WDFY3: variants seen among roughly 807,000 people sequenced by gnomAD.
WDFY3 encodes WD repeat and FYVE domain containing 3, also known as WD repeat and FYVE domain-containing protein 3.
WDFY3 carries 66 observed loss-of-function variants against 409.6 expected under a neutral mutation model. The observed-to-expected ratio is 0.16, with a 90% CI of 0.13 to 0.20. WDFY3 has a LOEUF of 0.20. Among genes scored for constraint, WDFY3 ranks in the 10% least tolerant of loss-of-function variants. The pLI is 1.00. For missense variants in WDFY3, 3,031 were observed against 4,298.1 expected (o/e 0.71, Z 8.24); for synonymous variants, 1,521 against 1,537.1 (o/e 0.99, Z 0.25).
chr4:84,780,691 G>A (rs541657767), intron 25 of WDFY3, among the ~76,000 whole-genome samples: 1 of 152,042 alleles, frequency 6.6e-6, no homozygotes, highest in Non-Finnish European at 1.5e-5. Flanking sequence ...TTTAACCTAG[G>A]AGTTGGAGGT....
At chr4:84,703,053 T>C (rs192861751) in intron 55 of WDFY3, among the ~76,000 whole-genome samples, 8 of 150,546 alleles carry the variant, frequency 5.3e-5, no homozygotes, top group Admixed American at 1.3e-4. Flanking sequence ...GCCGAGATCG[T>C]GCCACTGCAC....
intron 35 of WDFY3, among the ~76,000 whole-genome samples, chr4:84,752,805 C>T (rs560183604): frequency 1.3e-5 from 2 of 152,200 alleles, no homozygotes; most frequent in East Asian, 3.9e-4. Context: ...TTTTGAAGTA[C>T]TATGGAGGAA....
chr4:84,929,530 T>C (rs1310584358), intron 2 of WDFY3, among the ~76,000 whole-genome samples: 2 of 149,498 alleles, frequency 1.3e-5, no homozygotes, highest in African/African-American at 4.9e-5. Context: ...ATGTGACCTT[T>C]GAAGCTAGGG....
chr4:84,843,307 T>C, intron 5 of WDFY3, among the ~76,000 whole-genome samples: 1 of 152,220 alleles, frequency 6.6e-6, no homozygotes, highest in East Asian at 1.9e-4. Context: ...TTGTAAAGAA[T>C]AGCATAACTG....
At chr4:84,743,929 G>T in intron 36 of WDFY3, 130 bp from the exon 37 acceptor site, 1 of 477,506 alleles carries the variant, frequency 2.1e-6, no homozygotes, top group Non-Finnish European at 3.4e-6. Flanking sequence ...TAAATGCCAT[G>T]AGAGATGGTA....
At chr4:84,703,467 C>G (rs1332182030) in intron 55 of WDFY3, among the ~76,000 whole-genome samples, 2 of 152,126 alleles carry the variant, frequency 1.3e-5, no homozygotes, top group Non-Finnish European at 2.9e-5. Flanking sequence ...CATGCCATGG[C>G]TGCCAATGTC....
At chr4:84,846,342 T>C (rs1461864566) in intron 5 of WDFY3, among the ~76,000 whole-genome samples, 1 of 151,964 alleles carries the variant, frequency 6.6e-6, no homozygotes, top group Non-Finnish European at 1.5e-5. Flanking sequence ...TTCCTAAGAG[T>C]CTACGATTAT....
chr4:84,758,463 G>T (rs1741846010), intron 32 of WDFY3, among the ~76,000 whole-genome samples: 1 of 152,114 alleles, frequency 6.6e-6, no homozygotes, highest in Non-Finnish European at 1.5e-5. Context: ...GCTCAGGCTG[G>T]TCTCAAACTC....
chr4:84,846,041 G>A, intron 5 of WDFY3, among the ~76,000 whole-genome samples: 1 of 152,032 alleles, frequency 6.6e-6, no homozygotes, highest in East Asian at 1.9e-4. Context: ...AAGCTATGAA[G>A]GTTAACATAC....
chr4:84,709,076 A>G, intron 52 of WDFY3, 48 bp from the exon 53 acceptor site: 7 of 1,602,318 alleles, frequency 4.4e-6, no homozygotes, highest in Non-Finnish European at 6.0e-6. Flanking sequence ...TATTTCCACT[A>G]TGTTCAGCTT....
intron 36 of WDFY3, chr4:84,751,245 C>T (rs1029775660): frequency 7.2e-6 from 4 of 552,046 alleles, no homozygotes; most frequent in African/African-American, 5.7e-5. Context: ...AGTTCGCCAG[C>T]TCTTAGAGAA....
intron 2 of WDFY3, among the ~76,000 whole-genome samples, chr4:84,930,802 C>A (rs975405615): frequency 2.4e-4 from 36 of 152,114 alleles, no homozygotes; most frequent in African/African-American, 8.7e-4. Flanking sequence ...GAAGTTTTAT[C>A]CTTTTTAATT....
intron 1 of WDFY3, among the ~76,000 whole-genome samples, chr4:84,942,873 AT>A (rs943004370): frequency 7.3e-5 from 11 of 150,962 alleles, no homozygotes; most frequent in Admixed American, 2.6e-4. Flanking sequence ...TAACCTTTTT[AT>A]TTTTTTTTAA....
intron 3 of WDFY3, among the ~76,000 whole-genome samples, chr4:84,893,092 G>A (rs1217301033): frequency 6.6e-6 from 1 of 152,170 alleles, no homozygotes; most frequent in Non-Finnish European, 1.5e-5. Flanking sequence ...AGGGGAGAGT[G>A]TTAAGCTCTC....
intron 6 of WDFY3, 101 bp downstream of exon 6, chr4:84,841,053 A>G: frequency 1.1e-6 from 1 of 885,850 alleles, no homozygotes; most frequent in Non-Finnish European, 1.7e-6. Context: ...TGATTATCAT[A>G]GTATCTCATT....
intron 53 of WDFY3, 60 bp from the exon 54 acceptor site, chr4:84,705,571 T>C (rs991595563): frequency 1.5e-6 from 2 of 1,305,734 alleles, no homozygotes; most frequent in African/African-American, 1.5e-5. Flanking sequence ...CTCACTAACG[T>C]AGATACAGTG....
At chr4:84,930,663 C>A (rs964055382) in intron 2 of WDFY3, among the ~76,000 whole-genome samples, 1 of 152,154 alleles carries the variant, frequency 6.6e-6, no homozygotes, top group Non-Finnish European at 1.5e-5. Context: ...AGTTTCCTTT[C>A]TCAAAATATC....
intron 61 of WDFY3, 134 bp from the exon 62 acceptor site, chr4:84,688,399 C>T: frequency 3.6e-6 from 3 of 840,468 alleles, no homozygotes; most frequent in East Asian, 5.7e-5. Context: ...GCAGTGGTGT[C>T]TGGAGAGTCT....
chr4:84,871,413 C>T (rs1762115212), intron 3 of WDFY3, among the ~76,000 whole-genome samples: 1 of 152,090 alleles, frequency 6.6e-6, no homozygotes, highest in Admixed American at 6.5e-5. Flanking sequence ...CATTCTATAT[C>T]TAATAAAATT....
Sources: gnomAD v4.1 joint callset for allele counts (sites outside exome capture counted in the v4.1 genomes callset) on GRCh38, gnomAD v4.1.1 for gene constraint, MANE v1.5 for transcripts, NCBI Gene and HGNC (gene_info 2026-07-23, HGNC 2026-07-21) for gene names.